PTPRG: variants seen among roughly 807,000 people sequenced by gnomAD.
PTPRG encodes the protein protein tyrosine phosphatase receptor type G.
In PTPRG, 102 loss-of-function variants were observed where a neutral mutation model predicts 165.3. The ratio of observed to expected loss-of-function variants is 0.62; its 90% CI spans 0.53 to 0.73. The LOEUF is 0.73. Among genes scored for constraint, PTPRG ranks in the 30% least tolerant of loss-of-function variants. The pLI, the probability that PTPRG is intolerant of heterozygous loss-of-function variation, is 0.00. For synonymous variants in PTPRG, 675 were observed against 669.5 expected (o/e 1.01, Z -0.13); for missense variants, 1,866 against 1,861.4 (o/e 1.00, Z -0.05).
intron 28 of PTPRG, among the ~76,000 whole-genome samples, chr3:62,290,721 T>A (rs974099310): frequency 2.0e-5 from 3 of 151,982 alleles, no homozygotes; most frequent in Non-Finnish European, 4.4e-5. Context: ...GGTTATCCAA[T>A]GGAAAAATAA....
At chr3:62,055,181 T>C (rs935616662) in intron 4 of PTPRG, among the ~76,000 whole-genome samples, 6 of 152,368 alleles carry the variant, frequency 3.9e-5, no homozygotes, top group Non-Finnish European at 7.3e-5. Flanking sequence ...GTCCACACTT[T>C]CATTGCATTG....
intron 2 of PTPRG, among the ~76,000 whole-genome samples, chr3:61,888,064 G>A (rs144055803): frequency 5.3e-5 from 8 of 152,254 alleles, no homozygotes; most frequent in Admixed American, 3.3e-4. Context: ...GGTGAATCAC[G>A]TCTTCCTCTA....
intron 1 of PTPRG, among the ~76,000 whole-genome samples, chr3:61,593,791 A>C (rs1700632283): frequency 6.6e-6 from 1 of 152,122 alleles, no homozygotes. Context: ...AAGTGCTTGA[A>C]AAGTAATATT....
chr3:61,716,279 T>TC (rs780569836), intron 1 of PTPRG, among the ~76,000 whole-genome samples: 1 of 152,210 alleles, frequency 6.6e-6, no homozygotes, highest in Non-Finnish European at 1.5e-5. Context: ...TGTATTTTTT[T>TC]CATGAATAAT....
intron 4 of PTPRG, among the ~76,000 whole-genome samples, chr3:62,009,092 A>G (rs1292136252): frequency 2.0e-5 from 3 of 152,234 alleles, no homozygotes; most frequent in Non-Finnish European, 4.4e-5. Context: ...ATCTGGTTTT[A>G]CCACCAAATT....
At chr3:61,892,340 C>T (rs571154725) in intron 2 of PTPRG, among the ~76,000 whole-genome samples, 2 of 152,312 alleles carry the variant, frequency 1.3e-5, no homozygotes, top group East Asian at 3.9e-4. Flanking sequence ...GATCTTCCTG[C>T]CTCAGTGTCC....
chr3:61,826,388 T>A (rs1039032204), intron 2 of PTPRG, among the ~76,000 whole-genome samples: 1 of 152,194 alleles, frequency 6.6e-6, no homozygotes, highest in African/African-American at 2.4e-5. Context: ...CGGGTTATTG[T>A]TGATTAATCC....
intron 2 of PTPRG, among the ~76,000 whole-genome samples, chr3:61,821,008 T>C (rs2035938370): frequency 6.6e-6 from 1 of 152,202 alleles, no homozygotes; most frequent in Non-Finnish European, 1.5e-5. Flanking sequence ...GCTGTGTTTC[T>C]TTTGGACTTT....
chr3:62,032,085 T>G (rs1244629023), intron 4 of PTPRG, among the ~76,000 whole-genome samples: 6 of 152,042 alleles, frequency 3.9e-5, no homozygotes, highest in African/African-American at 7.2e-5. Flanking sequence ...ATGGATTGAG[T>G]GTGTACTGGT....
At chr3:61,755,717 A>C (rs909388311) in intron 2 of PTPRG, among the ~76,000 whole-genome samples, 1 of 152,160 alleles carries the variant, frequency 6.6e-6, no homozygotes, top group African/African-American at 2.4e-5. Flanking sequence ...AGAGAACCAG[A>C]AGCAGCTCAG....
chr3:62,190,610 A>G lies in PTPRG; in HGVS notation c.1034-859A>G, dbSNP rs985112888. Among the ~76,000 whole-genome samples, 6 of 152,232 alleles carry G rather than the reference A, an allele frequency of 3.9e-5. No homozygotes were observed. The highest frequency in any genetic ancestry group is 9.6e-5 in the African/African-American group (4 of 41,458). ...TTACACCCCACGTCAGGATAATTAC[A>G]CGGGGTTCTGCTGTTCCAGAGAAAG... On this transcript the variant is annotated intron_variant, in intron 8 of 29. Transcript: ENST00000474889. The surrounding 1 kb of genome is among the most constrained non-coding windows in gnomAD (Gnocchi z 5.2).
chr3:61,622,520 G>A (rs1471361118), intron 1 of PTPRG, among the ~76,000 whole-genome samples: 2 of 152,042 alleles, frequency 1.3e-5, no homozygotes, highest in African/African-American at 2.4e-5. Context: ...GAAAGATTAT[G>A]TTGTCGGAAT....
chr3:61,585,032 G>C (rs1700398690), intron 1 of PTPRG, among the ~76,000 whole-genome samples: 1 of 152,214 alleles, frequency 6.6e-6, no homozygotes, highest in South Asian at 2.1e-4. Flanking sequence ...TGTAATCCCA[G>C]CACTTTGGGA....
At chr3:62,074,492 A>G (rs775149116) in intron 4 of PTPRG, among the ~76,000 whole-genome samples, 9 of 150,528 alleles carry the variant, frequency 6.0e-5, no homozygotes, top group Non-Finnish European at 1.3e-4. Flanking sequence ...AATAGGTGGG[A>G]CTACACTCAC....
At position 62,231,317 on chromosome 3, in the gene PTPRG, G is replaced by C; in HGVS notation, c.2375+6G>C. On this transcript the variant is annotated splice_donor_region_variant and intron_variant, in intron 14 of 29. Transcript: ENST00000474889. ...AGAGGAGAGAAGGGGAGCAGGTGAG[G>C]GGCGGTCAAGCTTAAGTGGGGGGCG... is the stretch of plus-strand genomic sequence containing the variant. The C allele has an allele frequency of 6.3e-7, 1 of 1,576,048 alleles. No individual in the cohort carries two copies.
intron 2 of PTPRG, among the ~76,000 whole-genome samples, chr3:61,939,913 T>A (rs1027987566): frequency 7.0e-6 from 1 of 143,682 alleles, no homozygotes; most frequent in African/African-American, 2.6e-5. Flanking sequence ...TGTCTTGGCT[T>A]CCTTACTGAC....
intron 1 of PTPRG, among the ~76,000 whole-genome samples, chr3:61,596,213 T>C (rs1480785862): frequency 6.6e-6 from 1 of 152,236 alleles, no homozygotes; most frequent in Non-Finnish European, 1.5e-5. Flanking sequence ...TGTCACCCCC[T>C]CATTCCTGAA....
chr3:62,078,403 A>AT (rs1365433690), intron 5 of PTPRG, 145 bp downstream of exon 5: 8 of 591,464 alleles, frequency 1.4e-5, no homozygotes, highest in Non-Finnish European at 2.0e-5. Flanking sequence ...CTAATGTGTG[A>AT]TTTAAAATGT....
chr3:62,123,307 A>G (rs1474573258), intron 5 of PTPRG, among the ~76,000 whole-genome samples: 1 of 152,178 alleles, frequency 6.6e-6, no homozygotes, highest in East Asian at 1.9e-4. Flanking sequence ...TCCTTTTGGC[A>G]TTATCATAGC....
Sources: gnomAD v4.1 joint callset for allele counts (sites outside exome capture counted in the v4.1 genomes callset) on GRCh38, gnomAD v4.1.1 for gene constraint, Gnocchi (gnomAD v3.1) non-coding constraint, MANE v1.5 for transcripts, NCBI Gene and HGNC (gene_info 2026-07-23, HGNC 2026-07-21) for gene names.